CTNNA3: variants seen among roughly 807,000 people sequenced by gnomAD.
CTNNA3 encodes the protein catenin alpha-3.
Under a neutral mutation model 95.7 loss-of-function variants are expected in CTNNA3, and 76 were observed. The ratio of observed to expected loss-of-function variants is 0.79; its 90% CI spans 0.66 to 0.96. The LOEUF is 0.96. CTNNA3 is among the 40% of genes least tolerant of loss of function. The pLI, the probability that CTNNA3 is intolerant of heterozygous loss-of-function variation, is 0.00. For synonymous variants in CTNNA3, 431 were observed against 374.4 expected (o/e 1.15, Z -1.74); for missense variants, 1,191 against 1,089.8 (o/e 1.09, Z -1.31).
chr10:66,698,761 T>C (rs949063899), intron 9 of CTNNA3, among the ~76,000 whole-genome samples: 3 of 152,140 alleles, frequency 2.0e-5, no homozygotes, highest in Admixed American at 6.5e-5. Context: ...AACTTAGAGA[T>C]AGGGCTATTA....
intron 12 of CTNNA3, among the ~76,000 whole-genome samples, chr10:66,362,509 G>C (rs1310223649): frequency 2.0e-5 from 3 of 151,864 alleles, no homozygotes; most frequent in African/African-American, 4.8e-5. Flanking sequence ...TCAGGAGTTT[G>C]AGACTGGCCT....
At chr10:67,743,495 C>A (rs1315594671) in intron 1 of CTNNA3, among the ~76,000 whole-genome samples, 1 of 151,198 alleles carries the variant, frequency 6.6e-6, no homozygotes, top group Non-Finnish European at 1.5e-5. Context: ...ATTGATGGGA[C>A]ATATCTCAAA....
intron 10 of CTNNA3, among the ~76,000 whole-genome samples, chr10:66,592,640 A>C (rs1843591509): frequency 6.6e-6 from 1 of 152,184 alleles, no homozygotes; most frequent in South Asian, 2.1e-4. Flanking sequence ...CAGAAATATA[A>C]TTGGTAAATT....
chr10:66,303,601 A>G (rs1397777822), intron 12 of CTNNA3, among the ~76,000 whole-genome samples: 1 of 152,184 alleles, frequency 6.6e-6, no homozygotes, highest in Non-Finnish European at 1.5e-5. Context: ...ATACAAAAAA[A>G]TACAAATGGT....
At chr10:66,447,062 A>T (rs531307805) in intron 11 of CTNNA3, among the ~76,000 whole-genome samples, 2 of 151,688 alleles carry the variant, frequency 1.3e-5, no homozygotes, top group Admixed American at 1.3e-4. Context: ...TCATGAGTGA[A>T]CTCCCATTCA....
chr10:66,599,770 T>C (rs142357831), intron 10 of CTNNA3, among the ~76,000 whole-genome samples: 16 of 151,964 alleles, frequency 1.1e-4, no homozygotes, highest in African/African-American at 3.9e-4. Context: ...ACTTACACCA[T>C]GCCAGTCCAC....
intron 3 of CTNNA3, among the ~76,000 whole-genome samples, chr10:67,590,612 C>A (rs904561651): frequency 6.6e-6 from 1 of 152,074 alleles, no homozygotes; most frequent in Non-Finnish European, 1.5e-5. Context: ...TAAAATGATA[C>A]CTCATTTGCA....
At chr10:67,276,630 T>C (rs1387229093) in intron 5 of CTNNA3, among the ~76,000 whole-genome samples, 3 of 152,046 alleles carry the variant, frequency 2.0e-5, no homozygotes, top group Admixed American at 6.6e-5. Context: ...GTAAACTATA[T>C]AAAATTATAT....
At chr10:66,363,759 T>C (rs1328408124) in intron 12 of CTNNA3, among the ~76,000 whole-genome samples, 2 of 152,228 alleles carry the variant, frequency 1.3e-5, no homozygotes, top group Non-Finnish European at 2.9e-5. Flanking sequence ...ATATTTCCAC[T>C]TCATTCAGAA....
chr10:67,595,184 GT>G (rs543004453), intron 3 of CTNNA3, among the ~76,000 whole-genome samples: 1 of 152,048 alleles, frequency 6.6e-6, no homozygotes, highest in South Asian at 2.1e-4. Flanking sequence ...TAACTTTGAG[GT>G]TGTTTTTCTC....
intron 17 of CTNNA3, among the ~76,000 whole-genome samples, chr10:65,933,267 G>C (rs2077283199): frequency 6.6e-6 from 1 of 152,044 alleles, no homozygotes; most frequent in Non-Finnish European, 1.5e-5. Flanking sequence ...TCTCACAAGA[G>C]CCATAATTTG....
In CTNNA3 at chr10:67,026,838, A is replaced by AAACC. The variant is rs767165270; in HGVS notation, c.1047+153475_1047+153478dup. 4.6e-5 allele frequency among the ~76,000 whole-genome samples: 7 copies of AAACC among 152,322 alleles called. No homozygotes were observed. In the East Asian group the frequency reaches 5.8e-4, roughly 13 times the overall value. On this transcript the variant is annotated intron_variant, in intron 7 of 17. Coordinates refer to ENST00000433211, the MANE Select transcript of CTNNA3 (RefSeq NM_013266.4). ...TCATGTGTTAATTAAAAGAGTTCAG[A>AAACC]AACCTAAAATCTACAAAGCTTATTT...
intron 1 of CTNNA3, among the ~76,000 whole-genome samples, chr10:67,759,457 G>C (rs1841450947): frequency 6.6e-6 from 1 of 152,158 alleles, no homozygotes; most frequent in Non-Finnish European, 1.5e-5. Context: ...ATCACCTCTT[G>C]TTGGTTACTA....
At chr10:67,115,600 CCA>C (rs1403828779) in intron 7 of CTNNA3, among the ~76,000 whole-genome samples, 2 of 151,600 alleles carry the variant, frequency 1.3e-5, no homozygotes, top group Non-Finnish European at 2.9e-5. Context: ...ACAAAATTAG[CCA>C]CAGGATTTAT....
intron 10 of CTNNA3, among the ~76,000 whole-genome samples, chr10:66,593,310 A>T (rs955243546): frequency 5.3e-5 from 8 of 152,252 alleles, no homozygotes; most frequent in African/African-American, 1.9e-4. Flanking sequence ...GGCCAGTTTC[A>T]AGTCACTGGT....
chr10:66,932,928 G>C lies in CTNNA3; in HGVS notation c.1048-157404C>G, dbSNP rs574258086. On this transcript the variant is annotated intron_variant, in intron 7 of 17. Transcript: ENST00000433211. ...CTTAGAAATTAAGACCTAAATTCAA[G>C]TTCCTTTGACACTTGCTAATCAAGT... Among the ~76,000 whole-genome samples, 12 of 152,302 alleles carry C rather than the reference G, an allele frequency of 7.9e-5. No homozygotes were observed. In the South Asian group the frequency reaches 1.9e-3, roughly 24 times the overall value.
intron 17 of CTNNA3, among the ~76,000 whole-genome samples, chr10:65,922,091 G>T (rs2133111728): frequency 6.6e-6 from 1 of 152,238 alleles, no homozygotes; most frequent in Non-Finnish European, 1.5e-5. Flanking sequence ...AGTAGGGCTG[G>T]AACTGGAACC....
At chr10:66,177,750 A>G (rs1272414252) in intron 13 of CTNNA3, among the ~76,000 whole-genome samples, 1 of 152,064 alleles carries the variant, frequency 6.6e-6, no homozygotes, top group Non-Finnish European at 1.5e-5. Context: ...TTTACCCAGA[A>G]TCTAGTCAGA....
intron 7 of CTNNA3, among the ~76,000 whole-genome samples, chr10:66,856,684 C>A (rs562632730): frequency 2.0e-5 from 3 of 151,886 alleles, no homozygotes; most frequent in African/African-American, 7.2e-5. Flanking sequence ...TCTTCATATG[C>A]TTGTTGGCTG....
Sources: gnomAD v4.1 joint callset for allele counts (sites outside exome capture counted in the v4.1 genomes callset) on GRCh38, gnomAD v4.1.1 for gene constraint, MANE v1.5 for transcripts, NCBI Gene and HGNC (gene_info 2026-07-23, HGNC 2026-07-21) for gene names.